Variants in AGBL4 observed in about 807,000 individuals in gnomAD.
The protein encoded by AGBL4 is AGBL carboxypeptidase 4, also known as cytosolic carboxypeptidase 6.
A neutral mutation model predicts 66.4 loss-of-function variants in AGBL4; 58 were observed. That is an observed-to-expected ratio of 0.87 (90% CI 0.71 to 1.09). The LOEUF is 1.09. AGBL4 is among the 50% of genes least tolerant of loss of function. The pLI is 0.00. For missense variants in AGBL4, 579 were observed against 631.0 expected (o/e 0.92, Z 0.88); for synonymous variants, 234 against 222.9 (o/e 1.05, Z -0.44).
At chr1:48,857,662 A>G (rs933600118) in intron 6 of AGBL4, among the ~76,000 whole-genome samples, 1 of 152,170 alleles carries the variant, frequency 6.6e-6, no homozygotes, top group African/African-American at 2.4e-5. Context: ...TGGAGCTTTC[A>G]GTGAGCCAAG....
intron 2 of AGBL4, among the ~76,000 whole-genome samples, chr1:49,721,266 C>T (rs1381761468): frequency 3.3e-5 from 5 of 152,138 alleles, no homozygotes; most frequent in Non-Finnish European, 5.9e-5. Flanking sequence ...AGTGGCAATC[C>T]GCTCGGGTCC....
chr1:49,667,426 C>G (rs140477801), intron 3 of AGBL4, among the ~76,000 whole-genome samples: 3 of 151,856 alleles, frequency 2.0e-5, no homozygotes, highest in Non-Finnish European at 2.9e-5. Context: ...CACCTGCACT[C>G]TAGCCTGGCC....
At chr1:49,333,645 T>C in intron 3 of AGBL4, among the ~76,000 whole-genome samples, 1 of 152,170 alleles carries the variant, frequency 6.6e-6, no homozygotes, top group Admixed American at 6.5e-5. Context: ...GGGCCATAAA[T>C]AGATCAATAA....
At chr1:48,846,530 T>A (rs1277210947) in intron 6 of AGBL4, among the ~76,000 whole-genome samples, 2 of 152,216 alleles carry the variant, frequency 1.3e-5, no homozygotes, top group East Asian at 3.8e-4. Flanking sequence ...GCCTTAGATA[T>A]CCCTCTTATA....
intron 5 of AGBL4, among the ~76,000 whole-genome samples, chr1:49,038,270 C>T (rs1467238226): frequency 6.6e-6 from 1 of 152,016 alleles, no homozygotes; most frequent in Non-Finnish European, 1.5e-5. Flanking sequence ...ATAGGCAACA[C>T]AATATGAAAG....
At chr1:48,969,738 C>T (rs998060052) in intron 5 of AGBL4, among the ~76,000 whole-genome samples, 4 of 152,044 alleles carry the variant, frequency 2.6e-5, no homozygotes, top group African/African-American at 9.7e-5. Context: ...AGAATGATAA[C>T]TAGACAAGCA....
At chr1:48,585,169 A>G (rs1644799537) in intron 11 of AGBL4, 1 of 152,180 alleles carries the variant, frequency 6.6e-6, no homozygotes, top group South Asian at 2.1e-4. Flanking sequence ...GCTTTCTACT[A>G]AGAAACACAT....
chr1:48,634,459 G>A (rs1321267609), intron 9 of AGBL4, 34 bp downstream of exon 9: 1 of 1,514,222 alleles, frequency 6.6e-7, no homozygotes, highest in African/African-American at 1.4e-5. Context: ...TCAAGCCATA[G>A]ATCAGCAGCT....
At chr1:49,645,718 T>C (rs1645872322) in intron 3 of AGBL4, among the ~76,000 whole-genome samples, 7 of 146,714 alleles carry the variant, frequency 4.8e-5, no homozygotes. Flanking sequence ...CAGAGAAAGA[T>C]ATTTGAAAAC....
intron 6 of AGBL4, among the ~76,000 whole-genome samples, chr1:48,709,690 C>A (rs1646935133): frequency 6.6e-6 from 1 of 151,808 alleles, no homozygotes; most frequent in African/African-American, 2.4e-5. Flanking sequence ...CAAGGTCTGC[C>A]TTCCAGGTTC....
chr1:49,666,085 T>C (rs1646361733), intron 3 of AGBL4, among the ~76,000 whole-genome samples: 1 of 151,956 alleles, frequency 6.6e-6, no homozygotes, highest in African/African-American at 2.4e-5. Flanking sequence ...ACCTCAACAG[T>C]AGCTGGGACT....
At chr1:49,994,104 A>G (rs1259500299) in intron 1 of AGBL4, among the ~76,000 whole-genome samples, 3 of 152,170 alleles carry the variant, frequency 2.0e-5, no homozygotes, top group African/African-American at 7.2e-5. Context: ...TGAATCATGC[A>G]TAATTACTTA....
chr1:49,717,432 GC>G (rs897560995), intron 2 of AGBL4, among the ~76,000 whole-genome samples: 2 of 151,872 alleles, frequency 1.3e-5, no homozygotes, highest in Non-Finnish European at 2.9e-5. Flanking sequence ...TATATGAGCT[GC>G]CCTCTTCATG....
chr1:48,960,004 T>C (rs1006186917), intron 5 of AGBL4, among the ~76,000 whole-genome samples: 2 of 152,184 alleles, frequency 1.3e-5, no homozygotes, highest in Non-Finnish European at 2.9e-5. Context: ...AGAATCACTC[T>C]GGCTTTCAGG....
At chr1:49,716,108 C>A (rs1648110142) in intron 2 of AGBL4, among the ~76,000 whole-genome samples, 1 of 151,958 alleles carries the variant, frequency 6.6e-6, no homozygotes, top group African/African-American at 2.4e-5. Context: ...GTCTTTAATC[C>A]ATCTTAAGTT....
At chr1:49,118,083 C>T (rs1256730467) in intron 4 of AGBL4, among the ~76,000 whole-genome samples, 1 of 152,142 alleles carries the variant, frequency 6.6e-6, no homozygotes, top group Non-Finnish European at 1.5e-5. Context: ...TGAGACTTTG[C>T]TGAAGTTGCT....
At chr1:49,564,093 G>A (rs1644127864) in intron 3 of AGBL4, among the ~76,000 whole-genome samples, 1 of 152,114 alleles carries the variant, frequency 6.6e-6, no homozygotes, top group African/African-American at 2.4e-5. Flanking sequence ...TAGTTTATGT[G>A]CGTAGAGGTG....
intron 4 of AGBL4, among the ~76,000 whole-genome samples, chr1:49,095,867 C>T (rs1301997194): frequency 2.6e-5 from 4 of 151,312 alleles, no homozygotes; most frequent in South Asian, 2.1e-4. Context: ...AGAGCTTCTG[C>T]ACAGCAAAAG....
intron 4 of AGBL4, among the ~76,000 whole-genome samples, chr1:49,129,732 G>T (rs1046683997): frequency 6.6e-6 from 1 of 152,116 alleles, no homozygotes; most frequent in Non-Finnish European, 1.5e-5. Flanking sequence ...ATTTGGGTTG[G>T]TTCCAAGTCT....
Sources: gnomAD v4.1 joint callset for allele counts (sites outside exome capture counted in the v4.1 genomes callset) on GRCh38, gnomAD v4.1.1 for gene constraint, MANE v1.5 for transcripts, NCBI Gene and HGNC (gene_info 2026-07-23, HGNC 2026-07-21) for gene names.